SYTL3: variants seen among roughly 807,000 people sequenced by gnomAD.
SYTL3 encodes the protein synaptotagmin like 3, also known as synaptotagmin-like protein 3.
In SYTL3, 88 loss-of-function variants were observed where a neutral mutation model predicts 82.1. That is an observed-to-expected ratio of 1.07 (90% CI 0.90 to 1.28). SYTL3 has a LOEUF of 1.28. Ranked by LOEUF, SYTL3 falls within the 50% of genes most tolerant of loss-of-function variation. The probability of loss-of-function intolerance (pLI) is 0.00; values close to 1 mark genes in which losing one functional copy is unlikely to be tolerated. For synonymous variants in SYTL3, 311 were observed against 289.4 expected (o/e 1.07, Z -0.76); for missense variants, 831 against 757.6 (o/e 1.10, Z -1.14).
intron 6 of SYTL3, among the ~76,000 whole-genome samples, chr6:158,698,499 A>G (rs1408302927): frequency 6.6e-6 from 1 of 151,654 alleles, no homozygotes; most frequent in East Asian, 1.9e-4. Flanking sequence ...TCAAACTTTT[A>G]GAGAGATTTT....
chr6:158,715,975 G>A lies in SYTL3; in HGVS notation c.595+2097G>A, dbSNP rs144958308. On this transcript the variant is annotated intron_variant, in intron 9 of 17. Transcript: ENST00000611299. ...CACCTGAGGTCCTCGGGGAGGGACT[G>A]TAGAGGGCCCCAGACTCTTCACTGG... Among the ~76,000 whole-genome samples the A allele has an allele frequency of 3.1e-4, 47 of 152,292 alleles. No homozygotes were observed. The East Asian group carries it at 8.9e-3, about 29-fold the overall frequency.
At chr6:158,747,173 G>T (rs1445942455) in intron 12 of SYTL3, among the ~76,000 whole-genome samples, 1 of 151,882 alleles carries the variant, frequency 6.6e-6, no homozygotes, top group Non-Finnish European at 1.5e-5. Flanking sequence ...CTTTAGTAGA[G>T]ACGGGGTTTC....
intron 5 of SYTL3, among the ~76,000 whole-genome samples, chr6:158,676,692 C>T (rs1405306790): frequency 6.6e-6 from 1 of 152,104 alleles, no homozygotes; most frequent in Non-Finnish European, 1.5e-5. Context: ...CTACAATGAA[C>T]TCAAACAAAT....
intron 6 of SYTL3, among the ~76,000 whole-genome samples, chr6:158,700,627 T>C (rs984270370): frequency 6.6e-6 from 1 of 152,166 alleles, no homozygotes; most frequent in Non-Finnish European, 1.5e-5. Context: ...TATGTATGTA[T>C]GTATTTTGAG....
At chr6:158,734,236 G>C (rs957966443) in intron 11 of SYTL3, among the ~76,000 whole-genome samples, 2 of 152,070 alleles carry the variant, frequency 1.3e-5, no homozygotes, top group African/African-American at 4.8e-5. Flanking sequence ...TATAATAGGG[G>C]TGGAGGGGTT....
At chr6:158,681,498 C>T (rs745556029) in intron 5 of SYTL3, among the ~76,000 whole-genome samples, 1 of 152,030 alleles carries the variant, frequency 6.6e-6, no homozygotes, top group Non-Finnish European at 1.5e-5. Context: ...GCTGACATGG[C>T]AAAAACCTAT....
intron 2 of SYTL3, among the ~76,000 whole-genome samples, chr6:158,652,575 C>T (rs1287545287): frequency 3.3e-5 from 5 of 150,758 alleles, no homozygotes; most frequent in African/African-American, 1.2e-4. Flanking sequence ...GACAGAGTCT[C>T]GCTCTGTCAC....
chr6:158,691,518 A>G (rs1260077790), intron 6 of SYTL3, among the ~76,000 whole-genome samples: 12 of 152,224 alleles, frequency 7.9e-5, no homozygotes, highest in Non-Finnish European at 1.5e-4. Flanking sequence ...CTAAGCGTAT[A>G]GAAATGATGC....
intron 6 of SYTL3, among the ~76,000 whole-genome samples, chr6:158,697,266 C>T (rs1452038955): frequency 7.0e-6 from 1 of 143,404 alleles, no homozygotes; most frequent in African/African-American, 2.7e-5. Flanking sequence ...TGGTGAAACC[C>T]CATCTCTACG....
chr6:158,761,463 C>T (rs763215370), intron 15 of SYTL3, among the ~76,000 whole-genome samples: 5 of 151,838 alleles, frequency 3.3e-5, no homozygotes, highest in South Asian at 4.2e-4. Context: ...CCACCATGCC[C>T]GGCTAATTTT....
Position 158,718,091 on chromosome 6 carries a change from C to G in SYTL3, c.600C>G (p.Leu200=). The G allele has an allele frequency of 6.5e-7, 1 of 1,537,482 alleles. No homozygotes were observed. Among genetic ancestry groups the G allele is most frequent in the East Asian group, 2.5e-5 (1 of 40,244 alleles). Residue 200 remains leucine (L), a synonymous_variant, in exon 10 of 18, where the codon CTC becomes CTG. Coordinates refer to ENST00000611299, the MANE Select transcript of SYTL3 (RefSeq NM_001242394.2). ...FLSLATHVKK[L]SKSQNDMTSE... The stretch of plus-strand genomic sequence containing the variant: ...ACCCTTGTGTTTGCCTTTTAGAGCT[C>G]TCCAAATCCCAGAATGATATGACTT...
At chr6:158,732,294 A>G (rs1039007275) in intron 11 of SYTL3, among the ~76,000 whole-genome samples, 41 of 152,208 alleles carry the variant, frequency 2.7e-4, no homozygotes, top group Middle Eastern at 3.2e-3. Flanking sequence ...TCCCAAGCAC[A>G]AGGACAAGAC....
chr6:158,648,092 G>A (rs1583091937), upstream of SYTL3, among the ~76,000 whole-genome samples: 1 of 152,170 alleles, frequency 6.6e-6, no homozygotes, highest in African/African-American at 2.4e-5. Context: ...TCGGGAGTTC[G>A]AGACTAGCCT....
Position 158,764,770 on chromosome 6 carries a change from ATTTACG to A in SYTL3, c.*169_*174del, listed in dbSNP as rs554631295. ...TAACCGCCTATTGGTATCTGTGTAT[ATTTACG>A]TTAAACACAATTATGTTACCTAAGC... On this transcript the variant is annotated 3_prime_UTR_variant, in exon 18 of 18. Transcript: ENST00000611299. The A allele has an allele frequency of 2.7e-3, 1,496 of 551,872 alleles. 2 individuals carry two copies. The highest frequency in any genetic ancestry group is 4.2e-3 in the Non-Finnish European group (1,299 of 307,604). 34.2% of individuals were successfully genotyped at this position (551,872 alleles called of 1,614,324 possible).
chr6:158,681,807 A>C (rs536615647), intron 5 of SYTL3, among the ~76,000 whole-genome samples: 1 of 152,334 alleles, frequency 6.6e-6, no homozygotes, highest in African/African-American at 2.4e-5. Context: ...CTCTTGGAGA[A>C]TGTTGTAAAC....
chr6:158,719,752 C>T (rs1242941060), intron 10 of SYTL3, among the ~76,000 whole-genome samples: 3 of 152,222 alleles, frequency 2.0e-5, no homozygotes, highest in Admixed American at 2.0e-4. Context: ...TACTTCATCA[C>T]ATTTAATTCT....
chr6:158,670,611 A>G (rs1399257601), intron 5 of SYTL3, among the ~76,000 whole-genome samples: 3 of 151,556 alleles, frequency 2.0e-5, no homozygotes, highest in Non-Finnish European at 4.4e-5. Flanking sequence ...GTGAAACCCC[A>G]TATCTACTGA....
At chr6:158,658,428 A>G (rs1788962828) in intron 2 of SYTL3, among the ~76,000 whole-genome samples, 1 of 152,222 alleles carries the variant, frequency 6.6e-6, no homozygotes. Flanking sequence ...TCCCGCTGAA[A>G]TGAAGCAACT....
intron 5 of SYTL3, 72 bp downstream of exon 5, chr6:158,665,685 A>G: frequency 8.5e-7 from 1 of 1,177,584 alleles, no homozygotes; most frequent in Non-Finnish European, 1.2e-6. Flanking sequence ...CAAACCGCTC[A>G]TAAAGAGAGC....
Sources: gnomAD v4.1 joint callset for allele counts (sites outside exome capture counted in the v4.1 genomes callset) on GRCh38, gnomAD v4.1.1 for gene constraint, MANE v1.5 for transcripts, NCBI Gene and HGNC (gene_info 2026-07-23, HGNC 2026-07-21) for gene names.